The following BMAL2 variants were observed in gnomAD, a reference collection of about 807,000 sequenced individuals.
BMAL2 encodes basic helix-loop-helix ARNT like 2.
the BMAL2 span, among the ~76,000 whole-genome samples, chr12:27,406,531 G>A: frequency 6.6e-6 from 1 of 152,148 alleles, no homozygotes; most frequent in Non-Finnish European, 1.5e-5. Context: ...ATACTTTACA[G>A]ACAAGCAAAT....
At chr12:27,390,492 A>G in the BMAL2 span, 1 of 351,910 alleles carries the variant, frequency 2.8e-6, no homozygotes, top group Non-Finnish European at 5.1e-6. Context: ...TTTGGGGCCT[A>G]TCAAGTGGGA....
chr12:27,390,369 G>T, the BMAL2 span: 3 of 1,124,394 alleles, frequency 2.7e-6, no homozygotes, highest in Non-Finnish European at 3.7e-6. Flanking sequence ...TTAAAAATAA[G>T]ATTTTTTTAA....
the BMAL2 span, among the ~76,000 whole-genome samples, chr12:27,373,851 A>C: frequency 6.6e-6 from 1 of 152,234 alleles, no homozygotes; most frequent in Non-Finnish European, 1.5e-5. Context: ...AAGGTTCTAC[A>C]CTAAGAAAAT....
At chr12:27,397,197 A>G in the BMAL2 span, among the ~76,000 whole-genome samples, 1 of 152,064 alleles carries the variant, frequency 6.6e-6, no homozygotes, top group Admixed American at 6.5e-5. Context: ...CAGCCTCCCA[A>G]GTAACTGGGA....
At chr12:27,368,419 G>A in the BMAL2 span, 3 of 1,613,972 alleles carry the variant, frequency 1.9e-6, no homozygotes. Context: ...CCCAGTAAGT[G>A]AATTTGGTCC....
chr12:27,385,547 A>G, the BMAL2 span: 5 of 1,591,384 alleles, frequency 3.1e-6, no homozygotes, highest in Non-Finnish European at 4.3e-6. Flanking sequence ...GAGCTCAGAC[A>G]TTTAATCCTT....
At chr12:27,369,991 G>C in the BMAL2 span, 3 of 640,580 alleles carry the variant, frequency 4.7e-6, no homozygotes, top group East Asian at 7.8e-5. Context: ...TCCAGATGTG[G>C]TATTTTCTCC....
At chr12:27,353,446 A>C in the BMAL2 span, among the ~76,000 whole-genome samples, 1 of 152,346 alleles carries the variant, frequency 6.6e-6, no homozygotes, top group South Asian at 2.1e-4. Context: ...TAAAGACTTA[A>C]ATATAAGACC....
the BMAL2 span, among the ~76,000 whole-genome samples, chr12:27,372,323 A>G: frequency 6.6e-6 from 1 of 151,574 alleles, no homozygotes; most frequent in South Asian, 2.1e-4. Flanking sequence ...TTTCATCCAT[A>G]TTATAGTATG....
At chr12:27,349,741 T>C in the BMAL2 span, among the ~76,000 whole-genome samples, 1 of 152,206 alleles carries the variant, frequency 6.6e-6, no homozygotes, top group Non-Finnish European at 1.5e-5. Flanking sequence ...AGTGTTTTCT[T>C]ATAAACACTC....
chr12:27,424,797 G>A, the BMAL2 span: 1 of 152,306 alleles, frequency 6.6e-6, no homozygotes, highest in Middle Eastern at 3.4e-3. Context: ...GCTGCTAAGT[G>A]GCCACTAGGT....
At chr12:27,401,413 TTTAACTC>T in the BMAL2 span, 2 of 1,566,342 alleles carry the variant, frequency 1.3e-6, no homozygotes, top group Non-Finnish European at 1.8e-6. Context: ...AAATGACAGT[TTTAACTC>T]TTAATTTCCC....
the BMAL2 span, among the ~76,000 whole-genome samples, chr12:27,410,691 C>T: frequency 2.0e-5 from 3 of 152,004 alleles, no homozygotes; most frequent in Admixed American, 6.6e-5. Flanking sequence ...CACATGTATA[C>T]ATATGTAAGA....
the BMAL2 span, among the ~76,000 whole-genome samples, chr12:27,365,783 T>A: frequency 2.0e-5 from 3 of 151,614 alleles, no homozygotes; most frequent in African/African-American, 2.4e-5. Context: ...GAGTTTACAA[T>A]CATCTGGAAG....
the BMAL2 span, among the ~76,000 whole-genome samples, chr12:27,412,832 C>T: frequency 1.3e-5 from 2 of 152,006 alleles, no homozygotes; most frequent in African/African-American, 4.8e-5. Context: ...CACCAAGACA[C>T]ATTATAATCA....
chr12:27,371,515 A>AG, the BMAL2 span, among the ~76,000 whole-genome samples: 1 of 152,270 alleles, frequency 6.6e-6, no homozygotes, highest in African/African-American at 2.4e-5. Flanking sequence ...GTGCACTTAG[A>AG]GGGGGGTGAG....
the BMAL2 span, chr12:27,368,554 C>A: frequency 1.9e-6 from 2 of 1,077,102 alleles, no homozygotes; most frequent in African/African-American, 3.2e-5. Context: ...CATCTGCTAC[C>A]TTTGTCGGTG....
At chr12:27,408,079 T>G in the BMAL2 span, among the ~76,000 whole-genome samples, 1 of 151,922 alleles carries the variant, frequency 6.6e-6, no homozygotes, top group African/African-American at 2.4e-5. Flanking sequence ...AATAACAGGC[T>G]CTGAAATTGA....
chr12:27,373,642 A>G, the BMAL2 span, among the ~76,000 whole-genome samples: 1 of 152,196 alleles, frequency 6.6e-6, no homozygotes, highest in Non-Finnish European at 1.5e-5. Context: ...TGGGAGCGGC[A>G]CACAGAAATC....
Sources: allele counts gnomAD v4.1 joint callset (sites outside exome capture counted in the v4.1 genomes callset), GRCh38; gene constraint gnomAD v4.1.1; transcripts MANE v1.5; gene names NCBI Gene and HGNC (gene_info 2026-07-23, HGNC 2026-07-21).